The following MYLK4 variants were observed in gnomAD, a reference collection of about 807,000 sequenced individuals.
MYLK4 encodes myosin light chain kinase family member 4, also known as caMLCK like.
A neutral mutation model predicts 48.1 loss-of-function variants in MYLK4; 46 were observed. The observed-to-expected ratio is 0.96, with a 90% confidence interval of 0.75 to 1.22. The LOEUF is 1.22. Ranked by LOEUF, MYLK4 falls within the 50% of genes most tolerant of loss-of-function variation. The pLI, the probability that MYLK4 is intolerant of heterozygous loss-of-function variation, is 0.00. For missense variants in MYLK4, 451 were observed against 486.1 expected (o/e 0.93, Z 0.68); for synonymous variants, 170 against 180.8 (o/e 0.94, Z 0.48).
intron 2 of MYLK4, among the ~76,000 whole-genome samples, chr6:2,743,084 A>G (rs1763954088): frequency 6.6e-6 from 1 of 152,184 alleles, no homozygotes; most frequent in Non-Finnish European, 1.5e-5. Context: ...TATGCAGTAT[A>G]CATGTGGTAT....
In MYLK4 at chr6:2,664,579, T is replaced by C. The variant is rs1017905100; in HGVS notation, c.*3346A>G. 1 of 151,370 alleles carries C rather than the reference T, an allele frequency of 6.6e-6. No individual in the cohort carries two copies. Among genetic ancestry groups the C allele is most frequent in the African/African-American group, 2.5e-5 (1 of 40,644 alleles). 9.4% of individuals were successfully genotyped at this position (151,370 alleles called of 1,614,324 possible). A position where few individuals can be genotyped will look rare whatever the true frequency, so the allele number is the denominator to read the frequency against. On this transcript the variant is annotated 3_prime_UTR_variant, in exon 13 of 13. Transcript: ENST00000274643. ...CTGTTCCTAGTATCAAATCCATATT[T>C]TGATTCTTAAAAGAGAAAAAAAAAT...
chr6:2,715,546 G>A (rs565628945), intron 2 of MYLK4, among the ~76,000 whole-genome samples: 1 of 152,186 alleles, frequency 6.6e-6, no homozygotes, highest in African/African-American at 2.4e-5. Flanking sequence ...ATTACCTGTT[G>A]TATGAGCAGG....
intron 4 of MYLK4, among the ~76,000 whole-genome samples, chr6:2,688,643 TG>T (rs67233309): frequency 0.14 from 21,519 of 152,138 alleles, 1,666 homozygotes; most frequent in Admixed American, 0.2. Context: ...CATTACAACA[TG>T]GGAAGTAAAG....
At chr6:2,763,015 G>C in the MYLK4 span, among the ~76,000 whole-genome samples, 2 of 152,150 alleles carry the variant, frequency 1.3e-5, no homozygotes, top group African/African-American at 2.4e-5. Context: ...AGCCAAGCGG[G>C]TCTCCATCGC....
chr6:2,688,704 G>C, intron 4 of MYLK4, 147 bp downstream of exon 4: 1 of 679,566 alleles, frequency 1.5e-6, no homozygotes, highest in Non-Finnish European at 2.6e-6. Context: ...TCTGGCATCA[G>C]TGACAATTTT....
At chr6:2,756,010 A>T in the MYLK4 span, among the ~76,000 whole-genome samples, 1 of 152,346 alleles carries the variant, frequency 6.6e-6, no homozygotes, top group African/African-American at 2.4e-5. Context: ...TCTCAAATGT[A>T]AAACTAACCC....
At chr6:2,686,321 G>A (rs1449211217) in intron 4 of MYLK4, among the ~76,000 whole-genome samples, 1 of 152,196 alleles carries the variant, frequency 6.6e-6, no homozygotes, top group East Asian at 1.9e-4. Flanking sequence ...CCCACCTTCA[G>A]ATATATAAAA....
intron 2 of MYLK4, among the ~76,000 whole-genome samples, chr6:2,707,953 T>C (rs1582076285): frequency 6.6e-6 from 1 of 152,176 alleles, no homozygotes; most frequent in East Asian, 1.9e-4. Flanking sequence ...TATTAAAATA[T>C]TGCTCCCATC....
At chr6:2,671,209 C>T in intron 12 of MYLK4, 67 bp downstream of exon 12, 2 of 1,108,190 alleles carry the variant, frequency 1.8e-6, no homozygotes, top group Non-Finnish European at 2.7e-6. Context: ...AGCAAATGCT[C>T]CATTTATTTC....
Position 2,685,594 on chromosome 6 carries a change from C to T in MYLK4, c.342-18G>A, listed in dbSNP as rs544063281. 59 of 1,612,912 alleles carry T rather than the reference C, an allele frequency of 3.7e-5. No homozygotes were observed. Among genetic ancestry groups the T allele is most frequent in the South Asian group, 2.1e-4 (19 of 91,012 alleles). On this transcript the variant is annotated intron_variant, in intron 4 of 12. Transcript: ENST00000274643. This position sits in a 1 kb window ranked among gnomAD's most constrained non-coding sequence, Gnocchi z 4.5. ...AACGCCCTCTGCCAAAAAGAGGAAG[C>T]GGCGTAGCATGAGGCCCTGTGGTCA...
intron 2 of MYLK4, among the ~76,000 whole-genome samples, chr6:2,748,422 C>T (rs1420188682): frequency 1.3e-5 from 2 of 152,130 alleles, no homozygotes; most frequent in Non-Finnish European, 2.9e-5. Flanking sequence ...GGGCAAGGAG[C>T]CAACGGATGA....
chr6:2,704,467 T>C (rs1762415151), intron 2 of MYLK4, among the ~76,000 whole-genome samples: 1 of 152,210 alleles, frequency 6.6e-6, no homozygotes, highest in Non-Finnish European at 1.5e-5. Context: ...TTGAAGTAAT[T>C]TACCATTTGA....
At chr6:2,736,805 T>C (rs980970702) in intron 2 of MYLK4, among the ~76,000 whole-genome samples, 1 of 152,236 alleles carries the variant, frequency 6.6e-6, no homozygotes, top group African/African-American at 2.4e-5. Flanking sequence ...GTTTGGCATT[T>C]GACATATTAA....
At chr6:2,740,866 G>A (rs1763876473) in intron 2 of MYLK4, among the ~76,000 whole-genome samples, 1 of 152,204 alleles carries the variant, frequency 6.6e-6, no homozygotes, top group Non-Finnish European at 1.5e-5. Context: ...TGACAAATAA[G>A]TGAAAGGGCC....
rs968671407 is a variant in MYLK4 at position 2,717,971 on chromosome 6, G to A, written c.160-25112C>T. The stretch of plus-strand genomic sequence containing the variant: ...CGAGGCAGGCGGATCACCTGAGGTT[G>A]GGAGTTCGAGATCAGCCTGACCAAC... On this transcript the variant is annotated intron_variant, in intron 2 of 12. Transcript: ENST00000274643. 2.6e-5 allele frequency among the ~76,000 whole-genome samples: 4 copies of A among 152,100 alleles called. No individual in the cohort carries two copies. The East Asian group carries it at 7.7e-4, about 29-fold the overall frequency.
In MYLK4 at chr6:2,727,552, C is replaced by G. The variant is rs551207554; in HGVS notation, c.159+21584G>C. 4.6e-5 allele frequency among the ~76,000 whole-genome samples: 7 copies of G among 152,218 alleles called. No homozygotes were observed. The East Asian group carries it at 1.4e-3, about 29-fold the overall frequency. On this transcript the variant is annotated intron_variant, in intron 2 of 12. Coordinates refer to ENST00000274643, the MANE Select transcript of MYLK4 (RefSeq NM_001012418.5). ...TCAAAATTGTAGAGTGCCTACAAAC[C>G]GCTCGAGGTTGCATCTGGACAGAAG...
chr6:2,738,415 T>G (rs1293095806), intron 2 of MYLK4, among the ~76,000 whole-genome samples: 1 of 152,240 alleles, frequency 6.6e-6, no homozygotes, highest in Non-Finnish European at 1.5e-5. Context: ...TTATTCTATA[T>G]GCATGAGGGA....
upstream of MYLK4, among the ~76,000 whole-genome samples, chr6:2,754,525 C>A (rs1319990459): frequency 6.6e-6 from 1 of 151,964 alleles, no homozygotes; most frequent in African/African-American, 2.4e-5. Context: ...GGGCTGGGTG[C>A]AGGAATGGGG....
chr6:2,706,801 C>T (rs1348006412), intron 2 of MYLK4, among the ~76,000 whole-genome samples: 5 of 152,196 alleles, frequency 3.3e-5, no homozygotes. Context: ...AAACTACACT[C>T]AGAGCAGTAA....
Sources: gnomAD v4.1 joint callset for allele counts (sites outside exome capture counted in the v4.1 genomes callset) on GRCh38, gnomAD v4.1.1 for gene constraint, Gnocchi (gnomAD v3.1) non-coding constraint, MANE v1.5 for transcripts, NCBI Gene and HGNC (gene_info 2026-07-23, HGNC 2026-07-21) for gene names.